GMPR: variants seen among roughly 807,000 people sequenced by gnomAD.
GMPR encodes the protein guanosine monophosphate reductase.
Under a neutral mutation model 38.4 loss-of-function variants are expected in GMPR, and 31 were observed. That is an observed-to-expected ratio of 0.81 (90% CI 0.61 to 1.09). The LOEUF (loss-of-function observed/expected upper bound fraction) is 1.09, where lower values mean the gene tolerates loss of function less well. Among genes scored for constraint, GMPR ranks in the 50% least tolerant of loss-of-function variants. The pLI, the probability that GMPR is intolerant of heterozygous loss-of-function variation, is 0.00. For missense variants in GMPR, 468 were observed against 453.7 expected (o/e 1.03, Z -0.29); for synonymous variants, 162 against 173.3 (o/e 0.93, Z 0.51).
At position 16,278,889 on chromosome 6, in the gene GMPR, C is replaced by T. The variant is rs780090528; in HGVS notation, c.653C>T (p.Ser218Phe). ...CATGGCCTGAAGGGCCACATCATCT[C>T]TGTGAGTCTCCACCCGGGGCTGAGG... is the stretch of plus-strand genomic sequence containing the variant. Reference protein sequence around the residue: ...SAHGLKGHIISDGGCTCPGDV... With the variant: ...SAHGLKGHIIFDGGCTCPGDV... Residue 218 changes from serine (S) to phenylalanine (F), a missense_variant and splice_region_variant, in exon 6 of 9, where the codon TCT becomes TTT. By Grantham distance (155) the Ser-to-Phe change is radical. Transcript: ENST00000259727. 5 of 1,596,272 alleles carry T rather than the reference C, an allele frequency of 3.1e-6. No individual in the cohort carries two copies. Among genetic ancestry groups the T allele is most frequent in the Admixed American group, 3.3e-5 (2 of 59,904 alleles).
chr6:16,258,958 G>A (rs947180460), intron 4 of GMPR: 1 of 152,176 alleles, frequency 6.6e-6, no homozygotes, highest in African/African-American at 2.4e-5. Flanking sequence ...CCAGGAGTGA[G>A]GGCTTGTCGC....
chr6:16,282,901 C>G (rs1759602802), intron 6 of GMPR, among the ~76,000 whole-genome samples: 1 of 151,840 alleles, frequency 6.6e-6, no homozygotes, highest in African/African-American at 2.4e-5. Context: ...CTCTGTCTCC[C>G]AGGTTTAAGT....
chr6:16,290,527 G>A lies in GMPR; in HGVS notation c.763G>A (p.Val255Met). Reference protein sequence around the residue: ...FSGHTECAGEVFERNGRKLKL... With the variant: ...FSGHTECAGEMFERNGRKLKL... ...GGGTCATACGGAGTGTGCTGGAGAA[G>A]TGTTTGAGAGGAACGGACGGAAGCT... Residue 255 changes from valine to methionine, a missense_variant, in exon 8 of 9, where the codon GTG becomes ATG. Coordinates refer to ENST00000259727, the MANE Select transcript of GMPR (RefSeq NM_006877.4). 6.2e-7 allele frequency: 1 copy of A among 1,614,072 alleles called. No individual in the cohort carries two copies. Among genetic ancestry groups the A allele is most frequent in the South Asian group, 1.1e-5 (1 of 91,084 alleles).
At chr6:16,270,853 T>C (rs80311947) in intron 4 of GMPR, among the ~76,000 whole-genome samples, 2,838 of 152,256 alleles carry the variant, frequency 0.019, 76 homozygotes, top group African/African-American at 0.058. Flanking sequence ...TTGCACAAGC[T>C]TCTGGGTTAC....
intron 4 of GMPR, among the ~76,000 whole-genome samples, chr6:16,255,511 G>A (rs1025345394): frequency 7.9e-5 from 12 of 152,114 alleles, no homozygotes; most frequent in Non-Finnish European, 1.0e-4. Flanking sequence ...ATGGTGAATC[G>A]GTCAGTGGTG....
intron 2 of GMPR, 98 bp downstream of exon 2, chr6:16,247,059 G>T: frequency 8.7e-7 from 1 of 1,144,216 alleles, no homozygotes. Context: ...AGGAAGAGTA[G>T]AAATGTGAGC....
chr6:16,244,219 T>A (rs1344332357), intron 1 of GMPR, among the ~76,000 whole-genome samples: 2 of 151,062 alleles, frequency 1.3e-5, no homozygotes, highest in African/African-American at 4.9e-5. Flanking sequence ...ACTTTTTTTT[T>A]TTTTTTTTTT....
chr6:16,288,058 T>C (rs376526764), intron 7 of GMPR, among the ~76,000 whole-genome samples: 3 of 152,216 alleles, frequency 2.0e-5, no homozygotes, highest in African/African-American at 7.2e-5. Context: ...AAACCCTCAG[T>C]AGGGCTTACT....
At chr6:16,269,730 G>A (rs939664425) in intron 4 of GMPR, among the ~76,000 whole-genome samples, 13 of 152,224 alleles carry the variant, frequency 8.5e-5, no homozygotes, top group African/African-American at 2.7e-4. Flanking sequence ...CTGGGAAGTT[G>A]AGGTTACAAT....
In GMPR at chr6:16,259,565, C is replaced by T. The variant is rs373859410; in HGVS notation, c.465+4830C>T. On this transcript the variant is annotated intron_variant, in intron 4 of 8. Transcript: ENST00000259727. ...CTGCTTCGAGTGGGATTAGGGGCGG[C>T]GTGGTAACCTAGAGTGGGAGAGATT... is the stretch of plus-strand genomic sequence containing the variant. 1.4e-4 allele frequency among the ~76,000 whole-genome samples: 21 copies of T among 151,826 alleles called. No homozygotes were observed. In the East Asian group the frequency reaches 2.1e-3, roughly 15 times the overall value.
At position 16,290,533 on chromosome 6, in the gene GMPR, G is replaced by T; in HGVS notation, c.769G>T (p.Glu257Ter). The change falls in exon 8 of 9, where the codon GAG becomes TAG. Residue 257 changes from glutamate to a stop codon, truncating the protein, a stop_gained. Transcript: ENST00000259727. LOFTEE classifies it high-confidence loss of function. ...GHTECAGEVF[E>*]RNGRKLKLFY... ...TACGGAGTGTGCTGGAGAAGTGTTT[G>T]AGAGGAACGGACGGAAGCTCAAGCT... 6.2e-7 allele frequency: 1 copy of T among 1,614,032 alleles called. No homozygotes were observed. Among genetic ancestry groups the T allele is most frequent in the Non-Finnish European group, 8.5e-7 (1 of 1,179,886 alleles).
chr6:16,285,873 G>C (rs1421254908), intron 7 of GMPR, 38 bp downstream of exon 7: 12 of 1,545,410 alleles, frequency 7.8e-6, no homozygotes, highest in Non-Finnish European at 1.1e-5. Context: ...GGGAAGGAAG[G>C]AAGGAGGGAG....
At position 16,288,597 on chromosome 6, in the gene GMPR, C is replaced by T. The variant is rs546381949; in HGVS notation, c.698-1865C>T. On this transcript the variant is annotated intron_variant, in intron 7 of 8. Transcript: ENST00000259727. ...CCCTAATGAGCGCCGCCCCCTGCTC[C>T]AAGGCCCCCAGTCCCGTCAACCATG... is the stretch of plus-strand genomic sequence containing the variant. Among the ~76,000 whole-genome samples the T allele has an allele frequency of 3.3e-5, 5 of 152,084 alleles. No individual in the cohort carries two copies. In the East Asian group the frequency reaches 7.7e-4, roughly 23 times the overall value.
In GMPR at chr6:16,249,774, A is replaced by G. The variant is rs1581647522; in HGVS notation, c.208-510A>G. ...TAGGGTTATACTTTATATAATTCCC[A>G]CCGGCAAGATTTAATGGATTTACCT... On this transcript the variant is annotated intron_variant, in intron 2 of 8. Transcript: ENST00000259727. 2.6e-5 allele frequency among the ~76,000 whole-genome samples: 4 copies of G among 152,386 alleles called. No individual in the cohort carries two copies. In the South Asian group the frequency reaches 8.3e-4, roughly 32 times the overall value.
chr6:16,264,330 A>C (rs530094239), intron 4 of GMPR: 72 of 235,172 alleles, frequency 3.1e-4, no homozygotes, highest in South Asian at 1.1e-3. Context: ...GAGTAAAAAG[A>C]GGCCGCTTAC....
At chr6:16,291,221 A>AT (rs945624346) in intron 8 of GMPR, among the ~76,000 whole-genome samples, 4 of 151,352 alleles carry the variant, frequency 2.6e-5, no homozygotes, top group Non-Finnish European at 4.4e-5. Flanking sequence ...TTTATTTTTT[A>AT]TTTTTTATTT....
intron 4 of GMPR, among the ~76,000 whole-genome samples, chr6:16,265,949 C>T (rs1300924102): frequency 6.6e-6 from 1 of 152,058 alleles, no homozygotes; most frequent in African/African-American, 2.4e-5. Flanking sequence ...ACGAAGCCAC[C>T]CGCCGGGAGA....
Position 16,254,669 on chromosome 6 carries a change from G to A in GMPR, c.399G>A (p.Gly133=). The change falls in exon 4 of 9, where the codon GGG becomes GGA. Residue 133 remains glycine (G), a synonymous_variant. Transcript: ENST00000259727. The stretch of plus-strand genomic sequence containing the variant: ...TTATTTGCCTGGATGTGGCCAATGG[G>A]TATTCAGAACATTTTGTGGAATTCG... ...VKFICLDVAN[G]YSEHFVEFVK... 3 of 1,613,332 alleles carry A rather than the reference G, an allele frequency of 1.9e-6. No homozygotes were observed. The highest frequency in any genetic ancestry group is 2.5e-6 in the Non-Finnish European group (3 of 1,179,268).
At position 16,250,474 on chromosome 6, in the gene GMPR, G is replaced by A. The variant is rs866155206; in HGVS notation, c.291+107G>A. The stretch of plus-strand genomic sequence containing the variant: ...GTAGCAGAGAGACATTGAGAGTTCG[G>A]TGTTTCTCTAGCCCTGTGCCATTGC... On this transcript the variant is annotated intron_variant, in intron 3 of 8. Coordinates refer to ENST00000259727, the MANE Select transcript of GMPR (RefSeq NM_006877.4). 6.7e-6 allele frequency: 5 copies of A among 748,588 alleles called. No homozygotes were observed. In the Middle Eastern group the frequency reaches 6.8e-4, roughly 102 times the overall value. The allele number at this position is 748,588 out of a possible 1,614,324, so 46.4% of individuals were successfully genotyped here. A position where few individuals can be genotyped will look rare whatever the true frequency, so the allele number is the denominator to read the frequency against.
Sources: allele counts gnomAD v4.1 joint callset (sites outside exome capture counted in the v4.1 genomes callset), GRCh38; gene constraint gnomAD v4.1.1; transcripts MANE v1.5; gene names NCBI Gene and HGNC (gene_info 2026-07-23, HGNC 2026-07-21).